Variants in LEF1 observed in about 807,000 individuals in gnomAD.
The protein encoded by LEF1 is lymphoid enhancer-binding factor 1.
In LEF1, 14 loss-of-function variants were observed where a neutral mutation model predicts 51.2. The observed-to-expected ratio is 0.27, with a 90% CI of 0.18 to 0.43. LEF1 has a LOEUF of 0.43. Ranked by LOEUF, LEF1 falls within the 20% of genes least tolerant of loss-of-function variation. The pLI, the probability that LEF1 is intolerant of heterozygous loss-of-function variation, is 1.00. For missense variants in LEF1, 386 were observed against 512.0 expected (o/e 0.75, Z 2.37); for synonymous variants, 185 against 183.2 (o/e 1.01, Z -0.08).
intron 3 of LEF1, among the ~76,000 whole-genome samples, chr4:108,112,300 A>T (rs373243948): frequency 1.3e-5 from 2 of 152,342 alleles, no homozygotes; most frequent in East Asian, 1.9e-4. Flanking sequence ...GCCAATACAA[A>T]TAGCTCCTAG....
intron 8 of LEF1, among the ~76,000 whole-genome samples, chr4:108,073,067 C>G (rs575034757): frequency 6.6e-6 from 1 of 152,164 alleles, no homozygotes; most frequent in Non-Finnish European, 1.5e-5. Flanking sequence ...CCAGGCCTGG[C>G]TAATCCTTGA....
At chr4:108,141,602 G>A (rs1374394490) in intron 3 of LEF1, among the ~76,000 whole-genome samples, 7 of 152,118 alleles carry the variant, frequency 4.6e-5, no homozygotes, top group African/African-American at 1.7e-4. Flanking sequence ...GCAAGCGAGT[G>A]GCAGCCAAGT....
Position 108,167,657 on chromosome 4 carries a change from G to T in LEF1, c.111C>A (p.Ile37=), listed in dbSNP as rs1208854084. 1 of 1,614,098 alleles carries T rather than the reference G, an allele frequency of 6.2e-7. No homozygotes were observed. The highest frequency in any genetic ancestry group is 2.2e-5 in the East Asian group (1 of 44,884). Reference sequence around the variant, plus strand: ...CTTCGGGATGACTGATCTCGGCGAAGATCTTTTCCTTCTGAGGATCGCCCT... The same window carrying T: ...CTTCGGGATGACTGATCTCGGCGAATATCTTTTCCTTCTGAGGATCGCCCT... The part of the protein sequence containing the change: ...KDEGDPQKEK[I]FAEISHPEEE... Residue 37 remains isoleucine, a synonymous_variant, in exon 1 of 12, where the codon ATC becomes ATA. Coordinates refer to ENST00000265165, the MANE Select transcript of LEF1 (RefSeq NM_016269.5). This position sits in a 1 kb window ranked among gnomAD's most constrained non-coding sequence, Gnocchi z 5.7.
At chr4:108,155,808 T>A (rs1390507216) in intron 3 of LEF1, among the ~76,000 whole-genome samples, 3 of 152,230 alleles carry the variant, frequency 2.0e-5, no homozygotes, top group Admixed American at 6.5e-5. Flanking sequence ...ACATCTAGCC[T>A]AGTCCTTCCC....
chr4:108,067,864 G>C (rs540595332), intron 9 of LEF1, among the ~76,000 whole-genome samples: 18 of 152,052 alleles, frequency 1.2e-4, no homozygotes, highest in Admixed American at 1.1e-3. Flanking sequence ...GGTGAACACT[G>C]ATCTTCCTAC....
chr4:108,095,140 G>C (rs980976651), intron 3 of LEF1, among the ~76,000 whole-genome samples: 1 of 152,106 alleles, frequency 6.6e-6, no homozygotes, highest in African/African-American at 2.4e-5. Flanking sequence ...CGAGGCCCCA[G>C]GATCTTAAGA....
chr4:108,086,969 GT>G (rs1739693924), intron 4 of LEF1, among the ~76,000 whole-genome samples: 1 of 152,192 alleles, frequency 6.6e-6, no homozygotes, highest in Admixed American at 6.5e-5. Context: ...GGGTTAAAGT[GT>G]GAATATGATG....
intron 3 of LEF1, among the ~76,000 whole-genome samples, chr4:108,145,852 A>G (rs1201319378): frequency 2.0e-5 from 3 of 152,202 alleles, no homozygotes; most frequent in Non-Finnish European, 4.4e-5. Flanking sequence ...GGAATGAGAG[A>G]TAAGGGGATA....
chr4:108,162,281 T>C (rs1013735087), intron 3 of LEF1, among the ~76,000 whole-genome samples: 11 of 152,310 alleles, frequency 7.2e-5, no homozygotes, highest in African/African-American at 2.6e-4. Context: ...AAAAAGCTTA[T>C]TCCTTAGCTG....
chr4:108,097,936 T>G (rs1387516300), intron 3 of LEF1, among the ~76,000 whole-genome samples: 5 of 152,120 alleles, frequency 3.3e-5, no homozygotes, highest in African/African-American at 1.2e-4. Flanking sequence ...AAGCTTTCTC[T>G]GTCTACCATC....
At chr4:108,090,194 G>T (rs1255326882) in intron 3 of LEF1, among the ~76,000 whole-genome samples, 1 of 152,076 alleles carries the variant, frequency 6.6e-6, no homozygotes, top group African/African-American at 2.4e-5. Context: ...TGGCCAGGCT[G>T]GTTTTGAACT....
intron 3 of LEF1, among the ~76,000 whole-genome samples, chr4:108,113,258 C>T (rs954681824): frequency 5.3e-5 from 8 of 152,096 alleles, no homozygotes; most frequent in Non-Finnish European, 1.0e-4. Context: ...ATTTTGAGAA[C>T]GGCAGAAAAA....
chr4:108,110,284 T>C (rs1741441698), intron 3 of LEF1, among the ~76,000 whole-genome samples: 1 of 152,226 alleles, frequency 6.6e-6, no homozygotes, highest in Admixed American at 6.5e-5. Context: ...TTTCACTTTC[T>C]AAAATTAACA....
chr4:108,080,338 A>G (rs1321973339), intron 6 of LEF1, among the ~76,000 whole-genome samples: 1 of 152,248 alleles, frequency 6.6e-6, no homozygotes, highest in Non-Finnish European at 1.5e-5. Flanking sequence ...CAGTATTTTC[A>G]ATAAGCTCTC....
chr4:108,155,572 A>G (rs574680236), intron 3 of LEF1, among the ~76,000 whole-genome samples: 1 of 152,322 alleles, frequency 6.6e-6, no homozygotes, highest in Non-Finnish European at 1.5e-5. Flanking sequence ...CACTTCTTAT[A>G]GCTGCAGAAA....
chr4:108,092,941 A>AC (rs1344072979), intron 3 of LEF1, among the ~76,000 whole-genome samples: 37 of 123,982 alleles, frequency 3.0e-4, no homozygotes, highest in Non-Finnish European at 6.4e-4. Flanking sequence ...AAAAAAAAAA[A>AC]AAAAAAAAGA....
intron 3 of LEF1, among the ~76,000 whole-genome samples, chr4:108,157,479 C>A (rs1744807411): frequency 6.6e-6 from 1 of 152,154 alleles, no homozygotes; most frequent in African/African-American, 2.4e-5. Flanking sequence ...GTGAACATAA[C>A]AATGACAATA....
intron 3 of LEF1, among the ~76,000 whole-genome samples, chr4:108,107,179 G>A (rs879748558): frequency 1.1e-4 from 16 of 152,156 alleles, no homozygotes; most frequent in Non-Finnish European, 1.6e-4. Context: ...ACGAATATAT[G>A]GACCCATGCC....
Position 108,167,850 on chromosome 4 carries a change from G to C in LEF1, c.-83C>G. ...GACAGAGGGGTAACTCAAGGGTGGG[G>C]GAGGAAAGGAGAGTTGGAAGGGTTC... On this transcript the variant is annotated 5_prime_UTR_variant, in exon 1 of 12. Transcript: ENST00000265165. The surrounding 1 kb of genome is among the most constrained non-coding windows in gnomAD (Gnocchi z 5.7). The C allele has an allele frequency of 1.6e-6, 2 of 1,236,632 alleles. No individual in the cohort carries two copies. Among genetic ancestry groups the C allele is most frequent in the South Asian group, 1.3e-5 (1 of 75,404 alleles). The allele number at this position is 1,236,632 out of a possible 1,614,324, so 76.6% of individuals were successfully genotyped here. A position where few individuals can be genotyped will look rare whatever the true frequency, so the allele number is the denominator to read the frequency against.
Sources: gnomAD v4.1 joint callset for allele counts (sites outside exome capture counted in the v4.1 genomes callset) on GRCh38, gnomAD v4.1.1 for gene constraint, Gnocchi (gnomAD v3.1) non-coding constraint, MANE v1.5 for transcripts, NCBI Gene and HGNC (gene_info 2026-07-23, HGNC 2026-07-21) for gene names.